SLC35B3: variants seen among roughly 807,000 people sequenced by gnomAD.
The protein encoded by SLC35B3 is solute carrier family 35 member B3.
In SLC35B3, 35 loss-of-function variants were observed where a neutral mutation model predicts 44.1. The ratio of observed to expected loss-of-function variants is 0.79; its 90% CI spans 0.61 to 1.05. The LOEUF (loss-of-function observed/expected upper bound fraction) is 1.05. Among genes scored for constraint, SLC35B3 ranks in the 50% least tolerant of loss-of-function variants. The pLI is 0.00. For missense variants in SLC35B3, 414 were observed against 476.4 expected, an observed-to-expected ratio of 0.87 and a Z score of 1.22; for synonymous variants, 146 against 167.3, an observed-to-expected ratio of 0.87 and a Z score of 0.98.
chr6:8,419,500 T>C lies in SLC35B3; in HGVS notation c.780+80A>G. 1.5e-6 allele frequency: 1 copy of C among 687,346 alleles called. No homozygotes were observed. Among genetic ancestry groups the C allele is most frequent in the Middle Eastern group, 3.9e-4 (1 of 2,550 alleles). The allele number at this position is 687,346 out of a possible 1,614,324, so 42.6% of individuals were successfully genotyped here. On this transcript the variant is annotated intron_variant, in intron 7 of 10. Transcript: ENST00000644923. The surrounding 1 kb of genome is among the most constrained non-coding windows in gnomAD (Gnocchi z 4.3). The stretch of plus-strand genomic sequence containing the variant: ...GAGTTTAAAAATGCAATGCTAGTTA[T>C]AATAATTATTTCATCAAATTACGTG...
At position 8,422,434 on chromosome 6, in the gene SLC35B3, A is replaced by G. The variant is rs529596595; in HGVS notation, c.574+36T>C. ...GCTAGATGCCATAACATAGCCTATTAGTTTTAAATAGTATAAAAACATATC... is the reference window on the plus strand; with the variant it reads ...GCTAGATGCCATAACATAGCCTATTGGTTTTAAATAGTATAAAAACATATC... On this transcript the variant is annotated intron_variant, in intron 5 of 10. Transcript: ENST00000644923. 6.1e-6 allele frequency: 9 copies of G among 1,468,050 alleles called. No homozygotes were observed. In the East Asian group the frequency reaches 1.8e-4, roughly 30 times the overall value. 90.9% of individuals were successfully genotyped at this position (1,468,050 alleles called of 1,614,324 possible).
Position 8,435,369 on chromosome 6 carries a change from G to A in SLC35B3, c.-70C>T, listed in dbSNP as rs1288813315. ...CCAAGGCCGGTATGTCACCCGGAAG[G>A]GTGACGGCAGCCTGCGTGGCGTCTG... On this transcript the variant is annotated 5_prime_UTR_variant, in exon 1 of 11. Transcript: ENST00000644923. The surrounding 1 kb of genome is among the most constrained non-coding windows in gnomAD (Gnocchi z 5.5). The A allele has an allele frequency of 7.8e-7, 1 of 1,288,852 alleles. No individual in the cohort carries two copies. Among genetic ancestry groups the A allele is most frequent in the Non-Finnish European group, 1.0e-6 (1 of 988,852 alleles). The allele number at this position is 1,288,852 out of a possible 1,614,324, so 79.8% of individuals were successfully genotyped here. A position where few individuals can be genotyped will look rare whatever the true frequency, so the allele number is the denominator to read the frequency against.
Position 8,414,991 on chromosome 6 carries a change from A to G in SLC35B3, c.986-14T>C, listed in dbSNP as rs1381428490. 1 of 1,576,048 alleles carries G rather than the reference A, an allele frequency of 6.3e-7. No individual in the cohort carries two copies. Among genetic ancestry groups the G allele is most frequent in the Admixed American group, 1.7e-5 (1 of 59,358 alleles). ...TTCCTGTTGTCACTGTAGGAGCAAAAAATTAGTTTAGAATGTGCCTATTAT... is the reference window on the plus strand; with the variant it reads ...TTCCTGTTGTCACTGTAGGAGCAAAGAATTAGTTTAGAATGTGCCTATTAT... On this transcript the variant is annotated splice_polypyrimidine_tract_variant and intron_variant, in intron 9 of 10. Coordinates refer to ENST00000644923, the MANE Select transcript of SLC35B3 (RefSeq NM_001370476.2).
At chr6:8,425,989 A>C (rs1763376147) in intron 4 of SLC35B3, among the ~76,000 whole-genome samples, 1 of 152,234 alleles carries the variant, frequency 6.6e-6, no homozygotes. Context: ...GATATTGTCA[A>C]ACAAGCACAT....
intron 5 of SLC35B3, among the ~76,000 whole-genome samples, chr6:8,421,338 T>C (rs1427412971): frequency 6.6e-6 from 1 of 152,172 alleles, no homozygotes; most frequent in Non-Finnish European, 1.5e-5. Context: ...GTAGTATGAC[T>C]TTTTTGTAAG....
chr6:8,435,180 GTTTCCGCTCTTTCA>G lies in SLC35B3; in HGVS notation c.-44+149_-44+162del, dbSNP rs1002427824. The stretch of plus-strand genomic sequence containing the variant: ...CTCCTCCCTGGAAACCGCCCGGCCG[GTTTCCGCTCTTTCA>G]AAAAAGGGAATCACCCGTTTCTTCC... On this transcript the variant is annotated intron_variant, in intron 1 of 10. Coordinates refer to ENST00000644923, the MANE Select transcript of SLC35B3 (RefSeq NM_001370476.2). This position sits in a 1 kb window ranked among gnomAD's most constrained non-coding sequence, Gnocchi z 5.5. The G allele has an allele frequency of 7.8e-7, 1 of 1,287,892 alleles. No homozygotes were observed. The highest frequency in any genetic ancestry group is 1.0e-6 in the Non-Finnish European group (1 of 988,542). 79.8% of individuals were successfully genotyped at this position (1,287,892 alleles called of 1,614,324 possible). A position where few individuals can be genotyped will look rare whatever the true frequency, so the allele number is the denominator to read the frequency against.
At position 8,419,616 on chromosome 6, in the gene SLC35B3, T is replaced by A; in HGVS notation, c.744A>T (p.Lys248Asn). 1 of 1,568,452 alleles carries A rather than the reference T, an allele frequency of 6.4e-7. No individual in the cohort carries two copies. ...TAGAAGCATTATGAAGTTTCATAGCTTTCTCTTGAACATTTCCAATGACGG... is the reference window on the plus strand; with the variant it reads ...TAGAAGCATTATGAAGTTTCATAGCATTCTCTTGAACATTTCCAATGACGG... The change falls in exon 7 of 11, where the codon AAA becomes AAT. Residue 248 changes from lysine (K) to asparagine (N), a missense_variant. Lys to Asn is a moderately conservative substitution (Grantham distance 94). Transcript: ENST00000644923. This position sits in a 1 kb window ranked among gnomAD's most constrained non-coding sequence, Gnocchi z 4.3.
At chr6:8,416,323 T>G (rs777743381) in intron 9 of SLC35B3, among the ~76,000 whole-genome samples, 5 of 152,078 alleles carry the variant, frequency 3.3e-5, no homozygotes, top group Non-Finnish European at 2.9e-5. Flanking sequence ...GCACATTGAC[T>G]CATCTGTTCC....
chr6:8,423,686 CATCTT>C (rs1426598855), intron 4 of SLC35B3, among the ~76,000 whole-genome samples: 1 of 152,166 alleles, frequency 6.6e-6, no homozygotes, highest in African/African-American at 2.4e-5. Flanking sequence ...CAAAATTTCT[CATCTT>C]ATATATGGTT....
Position 8,413,617 on chromosome 6 carries a change from A to T in SLC35B3, c.1138T>A (p.Ser380Thr). ...GATTTGTTTATCAAATCATACAGTG[A>T]TGGTAGTCTTATTTTATCCATATTT... Residue 380 changes from serine (S) to threonine (T), a missense_variant, in exon 11 of 11, where the codon TCA (serine) becomes ACA (threonine). Ser to Thr is a moderately conservative substitution (Grantham distance 58, BLOSUM62 1). Transcript: ENST00000644923. The T allele has an allele frequency of 6.2e-7, 1 of 1,604,294 alleles. No homozygotes were observed.
chr6:8,422,506 A>AT lies in SLC35B3; in HGVS notation c.537dup (p.Leu180IlefsTer17). 6.2e-7 allele frequency: 1 copy of AT among 1,613,714 alleles called. No homozygotes were observed. Among genetic ancestry groups the AT allele is most frequent in the Non-Finnish European group, 8.5e-7 (1 of 1,179,722 alleles). On this transcript the variant is annotated frameshift_variant, in exon 5 of 11. Coordinates refer to ENST00000644923, the MANE Select transcript of SLC35B3 (RefSeq NM_001370476.2). LOFTEE classifies it high-confidence loss of function. ...ACTCCTCCTAGCATAACAGGAATCA[A>AT]TTTGCAGCACTTGAAGATGACTTGG...
Position 8,420,540 on chromosome 6 carries a change from T to C in SLC35B3, c.682+181A>G, listed in dbSNP as rs1188636374. On this transcript the variant is annotated intron_variant, in intron 6 of 10. Transcript: ENST00000644923. The surrounding 1 kb of genome is among the most constrained non-coding windows in gnomAD (Gnocchi z 4.4). ...GCATGCACACTAAAAAACAAACAAA[T>C]TGTTTTATCTACAGAGCTGTGATAT... 6.6e-6 allele frequency among the ~76,000 whole-genome samples: 1 copy of C among 152,192 alleles called. No individual in the cohort carries two copies. Among genetic ancestry groups the C allele is most frequent in the Non-Finnish European group, 1.5e-5 (1 of 68,024 alleles).
chr6:8,431,999 T>C (rs1470105193), intron 2 of SLC35B3, among the ~76,000 whole-genome samples: 2 of 152,284 alleles, frequency 1.3e-5, no homozygotes, highest in East Asian at 3.9e-4. Context: ...AGGTCAGGTT[T>C]GGAAGTTCAG....
At position 8,421,992 on chromosome 6, in the gene SLC35B3, G is replaced by GTGTTTTTT. The variant is rs1762931486; in HGVS notation, c.574+477_574+478insAAAAAACA. On this transcript the variant is annotated intron_variant, in intron 5 of 10. Transcript: ENST00000644923. ...TGACTTCAGAAACTAAGGCATATAA[G>GTGTTTTTT]TGTTTGTTTGTTTGTTTGTTTGTTT... Among the ~76,000 whole-genome samples, 4 of 138,812 alleles carry GTGTTTTTT rather than the reference G, an allele frequency of 2.9e-5. No homozygotes were observed. The South Asian group carries it at 8.5e-4, about 29-fold the overall frequency. 91.1% of individuals were successfully genotyped at this position (138,812 alleles called of 152,430 possible). A position where few individuals can be genotyped will look rare whatever the true frequency, so the allele number is the denominator to read the frequency against.
At chr6:8,429,381 C>A (rs1043583644) in intron 3 of SLC35B3, among the ~76,000 whole-genome samples, 2 of 151,726 alleles carry the variant, frequency 1.3e-5, no homozygotes, top group Admixed American at 6.6e-5. Context: ...GAAGACAAAA[C>A]CAATAAGAAT....
intron 2 of SLC35B3, among the ~76,000 whole-genome samples, chr6:8,431,261 A>C (rs1025137684): frequency 3.3e-5 from 5 of 152,242 alleles, no homozygotes; most frequent in Admixed American, 3.3e-4. Flanking sequence ...GAAACGACTC[A>C]TCTGTTTTTA....
At position 8,412,124 on chromosome 6, in the gene SLC35B3, T is replaced by G. The variant is rs189922846; in HGVS notation, c.*1425A>C. Among the ~76,000 whole-genome samples the G allele has an allele frequency of 5.9e-5, 9 of 152,270 alleles. No individual in the cohort carries two copies. The highest frequency in any genetic ancestry group is 2.2e-4 in the African/African-American group (9 of 41,560). ...CACCCAAGGGAGCTTGTTTGGCCCT[T>G]CATCATATAAGGACATAATGAGAAG... On this transcript the variant is annotated 3_prime_UTR_variant, in exon 11 of 11. Coordinates refer to ENST00000644923, the MANE Select transcript of SLC35B3 (RefSeq NM_001370476.2).
At chr6:8,429,695 T>C (rs922091220) in intron 3 of SLC35B3, 169 bp downstream of exon 2, 4 of 393,966 alleles carry the variant, frequency 1.0e-5, no homozygotes, top group Admixed American at 4.9e-5. Flanking sequence ...TATTTAACTC[T>C]TGAATTTTGA....
chr6:8,412,356 A>G lies in SLC35B3; in HGVS notation c.*1193T>C, dbSNP rs977373681. On this transcript the variant is annotated 3_prime_UTR_variant, in exon 11 of 11. Transcript: ENST00000644923. ...TACTTGTGTTTCTTAAATTTATCCT[A>G]TTTTGTCCTCAAACTTCCAAATTAA... Among the ~76,000 whole-genome samples the G allele has an allele frequency of 6.3e-4, 96 of 152,202 alleles. No individual in the cohort carries two copies. Among genetic ancestry groups the G allele is most frequent in the South Asian group, 1.0e-3 (5 of 4,826 alleles).
Sources: gnomAD v4.1 joint callset for allele counts (sites outside exome capture counted in the v4.1 genomes callset) on GRCh38, gnomAD v4.1.1 for gene constraint, Gnocchi (gnomAD v3.1) non-coding constraint, MANE v1.5 for transcripts, NCBI Gene and HGNC (gene_info 2026-07-23, HGNC 2026-07-21) for gene names.